The following VEPH1 variants were observed in gnomAD, a reference collection of about 807,000 sequenced individuals.
VEPH1 encodes ventricular zone-expressed PH domain-containing protein homolog 1.
Under a neutral mutation model 85.2 loss-of-function variants are expected in VEPH1, and 80 were observed. That is an observed-to-expected ratio of 0.94 (90% CI 0.78 to 1.13). The LOEUF (loss-of-function observed/expected upper bound fraction) is 1.13. Among genes scored for constraint, VEPH1 ranks in the 50% most tolerant of loss-of-function variants. VEPH1 has a pLI of 0.00. For synonymous variants in VEPH1, 297 were observed against 348.0 expected, an observed-to-expected ratio of 0.85 and a Z score of 1.63; for missense variants, 955 against 980.5, an observed-to-expected ratio of 0.97 and a Z score of 0.35.
intron 1 of VEPH1, among the ~76,000 whole-genome samples, chr3:157,500,120 G>A (rs1739985040): frequency 1.3e-5 from 2 of 152,096 alleles, no homozygotes; most frequent in African/African-American, 4.8e-5. Context: ...CAGAAATATT[G>A]GATTTGTACT....
chr3:157,277,710 G>A (rs576217319), intron 12 of VEPH1, among the ~76,000 whole-genome samples: 5 of 152,128 alleles, frequency 3.3e-5, no homozygotes, highest in Admixed American at 3.3e-4. Context: ...ACATATATGT[G>A]TACATATCCA....
At chr3:157,461,135 A>C (rs1288284491) in intron 3 of VEPH1, among the ~76,000 whole-genome samples, 3 of 152,256 alleles carry the variant, frequency 2.0e-5, no homozygotes, top group Non-Finnish European at 4.4e-5. Flanking sequence ...GGATCCTAAA[A>C]TAATTCTCTT....
Position 157,364,524 on chromosome 3 carries a change from T to G in VEPH1, c.1128-12A>C. The G allele has an allele frequency of 6.2e-7, 1 of 1,609,480 alleles. No homozygotes were observed. The highest frequency in any genetic ancestry group is 8.5e-7 in the Non-Finnish European group (1 of 1,176,532). On this transcript the variant is annotated splice_polypyrimidine_tract_variant and intron_variant, in intron 7 of 13. Transcript: ENST00000362010. ...TGCTGATTTTTCTCCTAAAGGAATA[T>G]AAATCATTGCATTAGATGCAGGTCA...
At chr3:157,379,467 G>T (rs1201131673) in intron 7 of VEPH1, among the ~76,000 whole-genome samples, 1 of 152,172 alleles carries the variant, frequency 6.6e-6, no homozygotes, top group Non-Finnish European at 1.5e-5. Context: ...CTTTCTGGCT[G>T]CTGGTCAGTA....
chr3:157,323,931 G>A (rs1721622915), intron 9 of VEPH1, among the ~76,000 whole-genome samples: 1 of 152,074 alleles, frequency 6.6e-6, no homozygotes, highest in Non-Finnish European at 1.5e-5. Flanking sequence ...TGAGGAGCAT[G>A]CACATTTTAC....
intron 11 of VEPH1, among the ~76,000 whole-genome samples, chr3:157,287,957 C>T (rs2108380257): frequency 6.6e-6 from 1 of 152,348 alleles, no homozygotes; most frequent in East Asian, 1.9e-4. Flanking sequence ...AATTGACACT[C>T]CAAGAAGACT....
At chr3:157,433,620 G>A (rs569946023) in intron 4 of VEPH1, among the ~76,000 whole-genome samples, 1 of 152,276 alleles carries the variant, frequency 6.6e-6, no homozygotes, top group African/African-American at 2.4e-5. Flanking sequence ...GCATATTGCT[G>A]TGTTTGGCTA....
Position 157,261,864 on chromosome 3 carries a change from C to G in VEPH1, c.2266-494G>C, listed in dbSNP as rs140568701. On this transcript the variant is annotated intron_variant, in intron 13 of 13. Coordinates refer to ENST00000362010, the MANE Select transcript of VEPH1 (RefSeq NM_001167912.2). ...CTGCAGCTTTGGAAGCATGCTTTGT[C>G]TACAAACAGTAAGAGAAGAAATATT... Among the ~76,000 whole-genome samples, 136 of 152,244 alleles carry G rather than the reference C, an allele frequency of 8.9e-4. 1 individual carries two copies. In the East Asian group the frequency reaches 0.024, roughly 27 times the overall value.
Position 157,462,296 on chromosome 3 carries a change from T to C in VEPH1, c.355-1941A>G, listed in dbSNP as rs1302100832. 2.6e-5 allele frequency among the ~76,000 whole-genome samples: 4 copies of C among 152,046 alleles called. No homozygotes were observed. The East Asian group carries it at 7.7e-4, about 29-fold the overall frequency. On this transcript the variant is annotated intron_variant, in intron 3 of 13. Transcript: ENST00000362010. ...GAATTCATCAAGATATGATATGACCTCTTTTCTGAAGAAGAAGCACAGTTA... is the reference window on the plus strand; with the variant it reads ...GAATTCATCAAGATATGATATGACCCCTTTTCTGAAGAAGAAGCACAGTTA...
intron 2 of VEPH1, among the ~76,000 whole-genome samples, chr3:157,475,405 T>A (rs899552474): frequency 1.3e-5 from 2 of 152,230 alleles, no homozygotes; most frequent in Non-Finnish European, 2.9e-5. Flanking sequence ...AGGTGCATTT[T>A]ACCCATTTAT....
intron 6 of VEPH1, among the ~76,000 whole-genome samples, chr3:157,394,854 T>G (rs1730214887): frequency 6.6e-6 from 1 of 152,130 alleles, no homozygotes; most frequent in Non-Finnish European, 1.5e-5. Context: ...TCCCTTCTAC[T>G]TTCACCCATT....
At chr3:157,305,750 G>A (rs1422175978) in intron 11 of VEPH1, among the ~76,000 whole-genome samples, 1 of 152,130 alleles carries the variant, frequency 6.6e-6, no homozygotes, top group Non-Finnish European at 1.5e-5. Flanking sequence ...GCTCAAGCCA[G>A]CACTGATTAT....
chr3:157,452,189 G>A (rs1735023735), intron 4 of VEPH1, among the ~76,000 whole-genome samples: 1 of 152,090 alleles, frequency 6.6e-6, no homozygotes, highest in Non-Finnish European at 1.5e-5. Context: ...CACATGCAGG[G>A]GAGGGCAGCC....
chr3:157,358,853 G>T (rs988743518), intron 9 of VEPH1, among the ~76,000 whole-genome samples: 1 of 152,148 alleles, frequency 6.6e-6, no homozygotes, highest in Non-Finnish European at 1.5e-5. Flanking sequence ...AAAATTAGCT[G>T]GCTCTAGTGG....
chr3:157,366,383 A>T (rs999976678), intron 7 of VEPH1, among the ~76,000 whole-genome samples: 96 of 152,072 alleles, frequency 6.3e-4, no homozygotes, highest in Non-Finnish European at 1.1e-3. Context: ...ACCTGGCATA[A>T]TACCTGAATG....
intron 6 of VEPH1, among the ~76,000 whole-genome samples, chr3:157,403,557 A>T (rs1186223781): frequency 6.6e-6 from 1 of 152,176 alleles, no homozygotes; most frequent in Non-Finnish European, 1.5e-5. Context: ...TGAATAAAAA[A>T]GCCCCTTTTT....
chr3:157,267,601 T>C (rs1713915429), intron 12 of VEPH1, among the ~76,000 whole-genome samples: 1 of 151,728 alleles, frequency 6.6e-6, no homozygotes, highest in Admixed American at 6.6e-5. Context: ...CCTGGCCAAC[T>C]TGGCGAAAGC....
chr3:157,495,144 A>G (rs948590911), intron 2 of VEPH1, 68 bp downstream of exon 2: 2 of 1,485,276 alleles, frequency 1.3e-6, no homozygotes, highest in African/African-American at 2.8e-5. Context: ...TTCTGCCAGG[A>G]TATAAACAAA....
intron 5 of VEPH1, among the ~76,000 whole-genome samples, chr3:157,425,180 C>T (rs763603766): frequency 6.6e-6 from 1 of 152,186 alleles, no homozygotes; most frequent in Non-Finnish European, 1.5e-5. Flanking sequence ...TTTACAACTT[C>T]CATGTGGTGT....
Sources: gnomAD v4.1 joint callset for allele counts (sites outside exome capture counted in the v4.1 genomes callset) on GRCh38, gnomAD v4.1.1 for gene constraint, MANE v1.5 for transcripts, NCBI Gene and HGNC (gene_info 2026-07-23, HGNC 2026-07-21) for gene names.